The following XRRA1 variants were observed in gnomAD, a reference collection of about 807,000 sequenced individuals.
The protein encoded by XRRA1 is X-ray radiation resistance associated 1, also known as X-ray radiation resistance-associated protein 1.
In XRRA1, 69 loss-of-function variants were observed where a neutral mutation model predicts 80.2. That is an observed-to-expected ratio of 0.86 (90% CI 0.71 to 1.05). The LOEUF is 1.05. Ranked by LOEUF, XRRA1 falls within the 50% of genes least tolerant of loss-of-function variation. The probability of loss-of-function intolerance (pLI) is 0.00; values close to 1 mark genes in which losing one functional copy is unlikely to be tolerated. For synonymous variants in XRRA1, 348 were observed against 389.9 expected (o/e 0.89, Z 1.27); for missense variants, 967 against 976.4 (o/e 0.99, Z 0.13).
intron 12 of XRRA1, among the ~76,000 whole-genome samples, chr11:74,855,417 T>C (rs2040860080): frequency 6.6e-6 from 1 of 152,200 alleles, no homozygotes; most frequent in East Asian, 1.9e-4. Context: ...AATTGAATGA[T>C]ACTCAGGTCA....
chr11:74,895,309 G>A (rs911989554), intron 10 of XRRA1, among the ~76,000 whole-genome samples: 1 of 152,180 alleles, frequency 6.6e-6, no homozygotes, highest in Non-Finnish European at 1.5e-5. Context: ...GTGCTGCCCT[G>A]TCACAGCAGA....
chr11:74,853,753 C>T (rs1042831527), intron 12 of XRRA1, among the ~76,000 whole-genome samples: 2 of 152,100 alleles, frequency 1.3e-5, no homozygotes, highest in South Asian at 2.1e-4. Context: ...AGGAAGTGTC[C>T]TATACAAAGA....
chr11:74,932,158 C>G (rs892676941), intron 5 of XRRA1, among the ~76,000 whole-genome samples: 1 of 152,294 alleles, frequency 6.6e-6, no homozygotes, highest in South Asian at 2.1e-4. Flanking sequence ...TTGCTAATAT[C>G]TTCTCCCAGT....
intron 12 of XRRA1, among the ~76,000 whole-genome samples, chr11:74,855,153 T>C (rs959607614): frequency 3.3e-5 from 5 of 152,228 alleles, no homozygotes; most frequent in Non-Finnish European, 5.9e-5. Flanking sequence ...GAGTAAAATA[T>C]AAAATTCTGC....
At position 74,843,248 on chromosome 11, in the gene XRRA1, G is replaced by C; in HGVS notation, c.2355C>G (p.Phe785Leu). 1 of 1,566,062 alleles carries C rather than the reference G, an allele frequency of 6.4e-7. No homozygotes were observed. Among genetic ancestry groups the C allele is most frequent in the East Asian group, 2.4e-5 (1 of 41,976 alleles). ...TGGGCTCCTGGCAGAACTCATCCATGAACTCGAGGAAGTGGCCGAACTTGG... is the reference window on the plus strand; with the variant it reads ...TGGGCTCCTGGCAGAACTCATCCATCAACTCGAGGAAGTGGCCGAACTTGG... The part of the protein sequence containing the change: ...SQPKFGHFLE[F>L]MDEFCQEPTA... The change falls in exon 19 of 19, where the codon TTC becomes TTG. Residue 785 changes from phenylalanine (F) to leucine (L), a missense_variant. By Grantham distance (22) the Phe-to-Leu change is conservative (BLOSUM62 0). Transcript: ENST00000684022.
chr11:74,926,991 C>A (rs936621705), intron 7 of XRRA1, among the ~76,000 whole-genome samples: 2 of 152,050 alleles, frequency 1.3e-5, no homozygotes, highest in African/African-American at 4.8e-5. Flanking sequence ...CCGATCCAAT[C>A]TGCTGCACCT....
intron 10 of XRRA1, among the ~76,000 whole-genome samples, chr11:74,875,596 T>C (rs1291945837): frequency 6.6e-6 from 1 of 152,184 alleles, no homozygotes; most frequent in Non-Finnish European, 1.5e-5. Flanking sequence ...ATAATCCCTT[T>C]GGCTGGGCAC....
At chr11:74,929,247 C>G (rs1226116933) in intron 6 of XRRA1, among the ~76,000 whole-genome samples, 1 of 152,138 alleles carries the variant, frequency 6.6e-6, no homozygotes, top group Non-Finnish European at 1.5e-5. Context: ...ATCAGTCTAT[C>G]AACTACCAAG....
Position 74,842,009 on chromosome 11 carries a change from T to G in XRRA1, c.*1191A>C. On this transcript the variant is annotated 3_prime_UTR_variant, in exon 19 of 19. Coordinates refer to ENST00000684022, the MANE Select transcript of XRRA1 (RefSeq NM_001378157.1). ...AAATTTAAATGCCAACGAATAGTTT[T>G]TTTTTTTTTGAACCTGATACACTGT... The G allele has an allele frequency of 6.6e-6, 1 of 152,236 alleles. No homozygotes were observed. Among genetic ancestry groups the G allele is most frequent in the Non-Finnish European group, 1.5e-5 (1 of 68,046 alleles). 9.4% of individuals were successfully genotyped at this position (152,236 alleles called of 1,614,324 possible).
intron 17 of XRRA1, 52 bp downstream of exon 17, chr11:74,844,116 T>C (rs765383566): frequency 2.5e-5 from 38 of 1,540,626 alleles, no homozygotes; most frequent in Non-Finnish European, 3.1e-5. Flanking sequence ...ACATCTGTAA[T>C]TGTGGGCGGT....
chr11:74,849,952 A>G (rs1334148564), intron 14 of XRRA1, among the ~76,000 whole-genome samples: 1 of 152,228 alleles, frequency 6.6e-6, no homozygotes, highest in Non-Finnish European at 1.5e-5. Flanking sequence ...CTCTGTATGC[A>G]CAATGAGGAC....
intron 12 of XRRA1, among the ~76,000 whole-genome samples, chr11:74,853,382 A>G (rs1367894507): frequency 1.3e-5 from 2 of 152,234 alleles, no homozygotes; most frequent in Non-Finnish European, 2.9e-5. Flanking sequence ...CCTCCCAGGC[A>G]GCTACATGTG....
intron 10 of XRRA1, among the ~76,000 whole-genome samples, chr11:74,868,754 CAAAG>C (rs958121733): frequency 1.1e-4 from 17 of 150,276 alleles, no homozygotes; most frequent in African/African-American, 2.2e-4. Context: ...AAAAAAAAGA[CAAAG>C]AAGGATATTA....
At chr11:74,882,813 T>G (rs1485894878) in intron 10 of XRRA1, among the ~76,000 whole-genome samples, 15 of 152,192 alleles carry the variant, frequency 9.9e-5, no homozygotes, top group Non-Finnish European at 1.2e-4. Context: ...GCCTCCCAGT[T>G]AGGCTGCTTG....
At chr11:74,943,153 C>G (rs2139998547) in intron 2 of XRRA1, among the ~76,000 whole-genome samples, 1 of 152,344 alleles carries the variant, frequency 6.6e-6, no homozygotes, top group Non-Finnish European at 1.5e-5. Context: ...GGCTCCGAGA[C>G]TCTTCAATAC....
At chr11:74,884,769 C>T (rs1591001586) in intron 10 of XRRA1, among the ~76,000 whole-genome samples, 1 of 152,256 alleles carries the variant, frequency 6.6e-6, no homozygotes, top group Middle Eastern at 3.4e-3. Context: ...CTCTGGGACA[C>T]AGCTAAGGTA....
chr11:74,910,532 T>A (rs923303399), intron 8 of XRRA1, among the ~76,000 whole-genome samples: 1 of 151,834 alleles, frequency 6.6e-6, no homozygotes, highest in Non-Finnish European at 1.5e-5. Context: ...GAGACACAAA[T>A]AGTTCAGAAT....
chr11:74,889,713 A>G (rs890462117), intron 10 of XRRA1, among the ~76,000 whole-genome samples: 2 of 152,202 alleles, frequency 1.3e-5, no homozygotes, highest in Admixed American at 6.5e-5. Flanking sequence ...AGGAAGATCT[A>G]CCAAGCAAGT....
chr11:74,873,912 G>A (rs2045459072), intron 10 of XRRA1, among the ~76,000 whole-genome samples: 1 of 151,892 alleles, frequency 6.6e-6, no homozygotes, highest in South Asian at 2.1e-4. Context: ...TCTTGGTATG[G>A]TGAGATAGTT....
Sources: gnomAD v4.1 joint callset for allele counts (sites outside exome capture counted in the v4.1 genomes callset) on GRCh38, gnomAD v4.1.1 for gene constraint, MANE v1.5 for transcripts, NCBI Gene and HGNC (gene_info 2026-07-23, HGNC 2026-07-21) for gene names.